Variants in PLCH1 observed in about 807,000 individuals in gnomAD.
PLCH1 encodes 1-phosphatidylinositol 4,5-bisphosphate phosphodiesterase eta-1.
PLCH1 carries 60 observed loss-of-function variants against 126.7 expected under a neutral mutation model. The ratio of observed to expected loss-of-function variants is 0.47; its 90% CI spans 0.38 to 0.59. PLCH1 has a LOEUF of 0.59. Among genes scored for constraint, PLCH1 ranks in the 20% least tolerant of loss-of-function variants. The probability of loss-of-function intolerance (pLI) is 0.00; values close to 1 mark genes in which losing one functional copy is unlikely to be tolerated. For missense variants in PLCH1, 1,723 were observed against 2,040.0 expected, an observed-to-expected ratio of 0.84 and a Z score of 2.99; for synonymous variants, 719 against 734.9, an observed-to-expected ratio of 0.98 and a Z score of 0.35.
At chr3:155,520,218 A>G (rs770986102) in intron 11 of PLCH1, among the ~76,000 whole-genome samples, 3 of 152,226 alleles carry the variant, frequency 2.0e-5, no homozygotes, top group Non-Finnish European at 4.4e-5. Context: ...TAACCTCAAG[A>G]GGTAACTCAT....
chr3:155,552,689 G>T (rs1407741744), intron 9 of PLCH1, among the ~76,000 whole-genome samples: 1 of 152,174 alleles, frequency 6.6e-6, no homozygotes, highest in African/African-American at 2.4e-5. Context: ...CAAGGGAGAT[G>T]CCAGACCTTA....
At chr3:155,565,346 G>A (rs1025888864) in intron 7 of PLCH1, among the ~76,000 whole-genome samples, 1 of 152,096 alleles carries the variant, frequency 6.6e-6, no homozygotes, top group African/African-American at 2.4e-5. Context: ...CCCTATGTTG[G>A]AGGTGGGCCC....
intron 6 of PLCH1, among the ~76,000 whole-genome samples, chr3:155,575,715 G>A (rs1729853254): frequency 6.6e-6 from 1 of 152,092 alleles, no homozygotes; most frequent in Admixed American, 6.5e-5. Flanking sequence ...CTGTGGCCCA[G>A]GCACAATCAT....
intron 2 of PLCH1, among the ~76,000 whole-genome samples, chr3:155,680,201 G>A (rs1744400202): frequency 6.6e-6 from 1 of 152,100 alleles, no homozygotes; most frequent in Non-Finnish European, 1.5e-5. Flanking sequence ...TGACCAACAT[G>A]GTGAAACCCC....
downstream of PLCH1, among the ~76,000 whole-genome samples, chr3:155,475,433 A>C (rs1256811094): frequency 6.6e-6 from 1 of 152,014 alleles, no homozygotes; most frequent in Non-Finnish European, 1.5e-5. Context: ...AAGGAAACCA[A>C]ACCCAAAATT....
chr3:155,461,156 T>C (rs1712709707), intron 21 of PLCH1, among the ~76,000 whole-genome samples: 6 of 152,248 alleles, frequency 3.9e-5, no homozygotes, highest in Admixed American at 2.6e-4. Context: ...CAGCACATTA[T>C]GCTAGTCTTC....
intron 22 of PLCH1, chr3:155,483,334 T>C: frequency 6.6e-7 from 1 of 1,518,852 alleles, no homozygotes; most frequent in Non-Finnish European, 8.9e-7. Flanking sequence ...ACCATACTTT[T>C]ACAGTGAGGA....
At chr3:155,668,645 C>CA (rs1288575344) in intron 2 of PLCH1, among the ~76,000 whole-genome samples, 2 of 152,148 alleles carry the variant, frequency 1.3e-5, no homozygotes, top group African/African-American at 4.8e-5. Flanking sequence ...GTAATCCCAG[C>CA]ACTTTGGGAG....
intron 6 of PLCH1, among the ~76,000 whole-genome samples, chr3:155,573,238 G>A (rs570353657): frequency 1.7e-4 from 26 of 152,174 alleles, no homozygotes; most frequent in African/African-American, 6.0e-4. Flanking sequence ...GTAAGCCTTG[G>A]TTATTTAAAA....
chr3:155,692,046 A>G (rs1745429069), intron 2 of PLCH1, among the ~76,000 whole-genome samples: 1 of 151,982 alleles, frequency 6.6e-6, no homozygotes, highest in Admixed American at 6.6e-5. Context: ...AAAAAAAATT[A>G]GTGCTCAAAG....
chr3:155,685,799 A>G (rs1329133046), intron 2 of PLCH1, among the ~76,000 whole-genome samples: 1 of 152,174 alleles, frequency 6.6e-6, no homozygotes, highest in Non-Finnish European at 1.5e-5. Flanking sequence ...TTTCCCCCTC[A>G]ATTATAAAGA....
chr3:155,564,778 C>G (rs1321612254), intron 8 of PLCH1, 137 bp downstream of exon 8: 2 of 595,102 alleles, frequency 3.4e-6, no homozygotes, highest in African/African-American at 3.7e-5. Flanking sequence ...TTAAGATTGA[C>G]TTTACAATGA....
chr3:155,640,686 A>C (rs1450863183), intron 2 of PLCH1, among the ~76,000 whole-genome samples: 2 of 152,224 alleles, frequency 1.3e-5, no homozygotes, highest in African/African-American at 4.8e-5. Flanking sequence ...CCATTACATG[A>C]AAACTCATTC....
Position 155,671,755 on chromosome 3 carries a change from C to A in PLCH1, c.79+32391G>T, listed in dbSNP as rs117495894. Among the ~76,000 whole-genome samples, 13 of 152,180 alleles carry A rather than the reference C, an allele frequency of 8.5e-5. No homozygotes were observed. In the East Asian group the frequency reaches 2.3e-3, roughly 27 times the overall value. ...ATGGGGCAATATAAGTGAGCTATTTCTCATCTATCATAGAAGAAAATCAAT... is the reference window on the plus strand; with the variant it reads ...ATGGGGCAATATAAGTGAGCTATTTATCATCTATCATAGAAGAAAATCAAT... On this transcript the variant is annotated intron_variant, in intron 2 of 22. Transcript: ENST00000460012.
Position 155,706,481 on chromosome 3 carries a change from A to G in PLCH1, c.-40-2217T>C, listed in dbSNP as rs528486029. Among the ~76,000 whole-genome samples the G allele has an allele frequency of 3.3e-5, 5 of 151,948 alleles. No homozygotes were observed. The South Asian group carries it at 1.0e-3, about 32-fold the overall frequency. ...CTAAAAATACAAAAATTAGCCGGGCATGGTGGCACACACCTATAATCCCAT... is the reference window on the plus strand; with the variant it reads ...CTAAAAATACAAAAATTAGCCGGGCGTGGTGGCACACACCTATAATCCCAT... On this transcript the variant is annotated intron_variant, in intron 1 of 22. Transcript: ENST00000460012.
intron 2 of PLCH1, among the ~76,000 whole-genome samples, chr3:155,612,920 A>AAAAAAG (rs913547056): frequency 7.3e-5 from 11 of 151,456 alleles, no homozygotes; most frequent in African/African-American, 2.7e-4. Flanking sequence ...AAAAAAAAAA[A>AAAAAAG]AAAAAGAAAA....
intron 1 of PLCH1, 60 bp from the exon 2 acceptor site, chr3:155,704,324 G>A (rs1056412837): frequency 2.5e-5 from 11 of 431,568 alleles, no homozygotes; most frequent in African/African-American, 2.2e-4. Flanking sequence ...CGCTCACACT[G>A]GTAGCATAAT....
intron 1 of PLCH1, among the ~76,000 whole-genome samples, chr3:155,730,711 G>A (rs148659588): frequency 1.3e-5 from 2 of 152,316 alleles, no homozygotes; most frequent in African/African-American, 4.8e-5. Context: ...AAGAGCTAAG[G>A]AAACCAGGTA....
chr3:155,565,085 T>C lies in PLCH1; in HGVS notation c.899A>G (p.Asp300Gly). 1 of 1,613,816 alleles carries C rather than the reference T, an allele frequency of 6.2e-7. No individual in the cohort carries two copies. Among genetic ancestry groups the C allele is most frequent in the Non-Finnish European group, 8.5e-7 (1 of 1,179,770 alleles). Residue 300 changes from aspartate (D) to glycine (G), a missense_variant, in exon 8 of 23, where the codon GAC (aspartate) becomes GGC (glycine). Asp to Gly is a moderately conservative substitution (Grantham distance 94, BLOSUM62 -1). Around this residue, in one of 2 missense-constraint regions of PLCH1, gnomAD observed 776 missense variants for 1,062.9 expected, o/e 0.73. Transcript: ENST00000460012. ...TTCATGGTGCAATGGGTTAAATATG[T>C]CACAGGCAGGACTACGCATGAAGTT... ...FTNFMRSPAC[D>G]IFNPLHHEVY... is the part of the protein sequence containing the mutation.
Sources: gnomAD v4.1 joint callset for allele counts (sites outside exome capture counted in the v4.1 genomes callset) on GRCh38, gnomAD v4.1.1 for gene constraint, gnomAD v4.1.1 regional missense constraint, MANE v1.5 for transcripts, NCBI Gene and HGNC (gene_info 2026-07-23, HGNC 2026-07-21) for gene names.